The following BATF2 variants were observed in gnomAD, a reference collection of about 807,000 sequenced individuals.
BATF2 encodes the protein basic leucine zipper ATF-like transcription factor 2.
Under a neutral mutation model 7.3 loss-of-function variants are expected in BATF2, and 4 were observed. The ratio of observed to expected loss-of-function variants is 0.55; its 90% CI spans 0.27 to 1.26. The LOEUF is 1.26. Ranked by LOEUF, BATF2 falls within the 50% of genes most tolerant of loss-of-function variation. The probability of loss-of-function intolerance (pLI) is 0.11; values close to 1 mark genes in which losing one functional copy is unlikely to be tolerated. For missense variants in BATF2, 295 were observed against 340.5 expected (o/e 0.87, Z 1.05); for synonymous variants, 152 against 153.9 (o/e 0.99, Z 0.09).
At chr11:64,994,396 G>T (rs1480829464) in intron 2 of BATF2, 52 bp downstream of exon 2, 4 of 1,511,832 alleles carry the variant, frequency 2.6e-6, no homozygotes, top group African/African-American at 2.8e-5. Context: ...AGAGGTGGCT[G>T]GGCCAGTAAG....
chr11:64,990,130 C>T (rs1231729892), intron 2 of BATF2: 2 of 1,535,698 alleles, frequency 1.3e-6, no homozygotes, highest in Non-Finnish European at 8.7e-7. Context: ...ATTCTCTTGC[C>T]CACAGGAGCC....
At position 64,988,820 on chromosome 11, in the gene BATF2, G is replaced by T; in HGVS notation, c.*309C>A. 1 of 385,586 alleles carries T rather than the reference G, an allele frequency of 2.6e-6. No homozygotes were observed. The allele number at this position is 385,586 out of a possible 1,614,324, so 23.9% of individuals were successfully genotyped here. ...AAGGAGGAGCAGAGGGTGGTGTTTCGGGCTCCAAGAAAGTCTTCGTGACCT... is the reference window on the plus strand; with the variant it reads ...AAGGAGGAGCAGAGGGTGGTGTTTCTGGCTCCAAGAAAGTCTTCGTGACCT... On this transcript the variant is annotated 3_prime_UTR_variant, in exon 3 of 3. Transcript: ENST00000301887.
intron 2 of BATF2, among the ~76,000 whole-genome samples, chr11:64,991,138 C>T (rs1946073633): frequency 7.0e-6 from 1 of 143,714 alleles, no homozygotes; most frequent in Non-Finnish European, 1.5e-5. Context: ...CTGGTTTCTA[C>T]ATGTGGAATG....
Position 64,994,700 on chromosome 11 carries a change from CT to C in BATF2, c.40-152del. 7.2e-6 allele frequency: 5 copies of C among 692,184 alleles called. No individual in the cohort carries two copies. In the South Asian group the frequency reaches 8.8e-5, roughly 12 times the overall value. 42.9% of individuals were successfully genotyped at this position (692,184 alleles called of 1,614,324 possible). On this transcript the variant is annotated intron_variant, in intron 1 of 2. Coordinates refer to ENST00000301887, the MANE Select transcript of BATF2 (RefSeq NM_138456.4). ...GAAGCTCCCTTGGCACCCACACCCCCTATAGCAGGCACTGCACACCTTGTTG... is the reference window on the plus strand; with the variant it reads ...GAAGCTCCCTTGGCACCCACACCCCCATAGCAGGCACTGCACACCTTGTTG...
Position 64,989,911 on chromosome 11 carries a change from G to C in BATF2, c.142-99C>G. The C allele has an allele frequency of 6.8e-7, 1 of 1,468,116 alleles. No individual in the cohort carries two copies. Among genetic ancestry groups the C allele is most frequent in the Non-Finnish European group, 9.3e-7 (1 of 1,073,254 alleles). The allele number at this position is 1,468,116 out of a possible 1,614,324, so 90.9% of individuals were successfully genotyped here. ...CCAGGGTCCTCAACTTCAGGAGAAA[G>C]ATGCCACCACCATTGGAATAGCCAA... is the stretch of plus-strand genomic sequence containing the variant. On this transcript the variant is annotated intron_variant, in intron 2 of 2. Transcript: ENST00000301887. The surrounding 1 kb of genome is among the most constrained non-coding windows in gnomAD (Gnocchi z 4.3).
At chr11:64,995,267 T>A (rs1055570064) in intron 1 of BATF2, among the ~76,000 whole-genome samples, 1 of 152,172 alleles carries the variant, frequency 6.6e-6, no homozygotes, top group African/African-American at 2.4e-5. Flanking sequence ...GCCATAAAGC[T>A]CAGCTTCCAT....
At chr11:64,991,153 ATTTTTTTTTT>A (rs986602706) in intron 2 of BATF2, among the ~76,000 whole-genome samples, 1 of 113,022 alleles carries the variant, frequency 8.8e-6, no homozygotes, top group Non-Finnish European at 1.8e-5. Flanking sequence ...GGAATGATGA[ATTTTTTTTTT>A]TTTTTTTTTT....
chr11:64,996,773 A>G, intron 1 of BATF2, 103 bp downstream of exon 1: 1 of 1,395,708 alleles, frequency 7.2e-7, no homozygotes, highest in East Asian at 2.3e-5. Context: ...CAGAGTATAG[A>G]GCTGGGACTA....
intron 2 of BATF2, among the ~76,000 whole-genome samples, chr11:64,991,122 G>C (rs113504261): frequency 0.031 from 4,578 of 148,386 alleles, 238 homozygotes; most frequent in African/African-American, 0.11. Flanking sequence ...CAGCCCCATT[G>C]CCACGCTGGT....
intron 2 of BATF2, among the ~76,000 whole-genome samples, chr11:64,993,171 C>T (rs1330111133): frequency 1.3e-5 from 2 of 152,044 alleles, no homozygotes; most frequent in African/African-American, 2.4e-5. Context: ...ACCAGCCTGG[C>T]CAACATGGTG....
At chr11:64,996,814 G>C (rs1300086080) in intron 1 of BATF2, 62 bp downstream of exon 1, 1 of 1,602,418 alleles carries the variant, frequency 6.2e-7, no homozygotes, top group African/African-American at 1.3e-5. Flanking sequence ...TCACTGCCTG[G>C]GCACTGAGGA....
intron 2 of BATF2, among the ~76,000 whole-genome samples, chr11:64,991,681 G>C (rs1193645337): frequency 1.3e-5 from 2 of 152,144 alleles, no homozygotes; most frequent in Non-Finnish European, 2.9e-5. Flanking sequence ...GACCACTCTA[G>C]GGACTTTTTG....
At chr11:64,991,153 A>ATTTTTT (rs986602706) in intron 2 of BATF2, among the ~76,000 whole-genome samples, 2 of 113,022 alleles carry the variant, frequency 1.8e-5, no homozygotes, top group South Asian at 3.0e-4. Context: ...GGAATGATGA[A>ATTTTTT]TTTTTTTTTT....
In BATF2 at chr11:64,989,437, T is replaced by G; in HGVS notation, c.517A>C (p.Ser173Arg). 1 of 1,608,208 alleles carries G rather than the reference T, an allele frequency of 6.2e-7. No homozygotes were observed. The highest frequency in any genetic ancestry group is 8.5e-7 in the Non-Finnish European group (1 of 1,176,808). ...GTGTGCGAGGCAAACAGGAGAGGGC[T>G]GGGGGACAGCTGGACAGGAGGTTCA... ...VAEPPVQLSP[S>R]PLLFASHTGS... Residue 173 changes from serine (S) to arginine (R), a missense_variant, in exon 3 of 3, where the codon AGC (serine) becomes CGC (arginine). By Grantham distance (110) the Ser-to-Arg change is moderately radical. Transcript: ENST00000301887. This position sits in a 1 kb window ranked among gnomAD's most constrained non-coding sequence, Gnocchi z 4.3.
At chr11:64,991,526 C>A (rs1392596647) in intron 2 of BATF2, among the ~76,000 whole-genome samples, 1 of 152,220 alleles carries the variant, frequency 6.6e-6, no homozygotes, top group East Asian at 1.9e-4. Flanking sequence ...CTTCAACTCA[C>A]CTCCAGGAAC....
At position 64,991,004 on chromosome 11, in the gene BATF2, A is replaced by G. The variant is rs1946071924; in HGVS notation, c.142-1192T>C. ...ACGGGGTTTCACCATGTTAGCCAGGATGGTCTCGATCTCCTGACCTCGTGA... is the reference window on the plus strand; with the variant it reads ...ACGGGGTTTCACCATGTTAGCCAGGGTGGTCTCGATCTCCTGACCTCGTGA... On this transcript the variant is annotated intron_variant, in intron 2 of 2. Transcript: ENST00000301887. 3.3e-5 allele frequency among the ~76,000 whole-genome samples: 5 copies of G among 151,590 alleles called. No homozygotes were observed. In the South Asian group the frequency reaches 1.0e-3, roughly 32 times the overall value.
rs1177340345 is a variant in BATF2, at chr11:64,989,549, C to T, written c.405G>A (p.Pro135=). The change falls in exon 3 of 3, where the codon CCG becomes CCA. Residue 135 remains proline (P), a synonymous_variant. Transcript: ENST00000301887. The surrounding 1 kb of genome is among the most constrained non-coding windows in gnomAD (Gnocchi z 4.3). ...CATGAGGCTGTGGACCTGGAGAGAG[C>T]GGCTGAGCTGGGTAACAGGAACCCG... ...QTPGSCYPAQ[P]LSPGPQPHDS... 11 of 1,587,860 alleles carry T rather than the reference C, an allele frequency of 6.9e-6. No homozygotes were observed. The highest frequency in any genetic ancestry group is 6.9e-6 in the Non-Finnish European group (8 of 1,167,506).
intron 1 of BATF2, 141 bp downstream of exon 1, chr11:64,996,735 G>T (rs78617442): frequency 2.5e-4 from 248 of 975,164 alleles, no homozygotes; most frequent in Non-Finnish European, 3.5e-4. Flanking sequence ...CCCAGAGAGG[G>T]GCATGCAGAG....
At position 64,989,743 on chromosome 11, in the gene BATF2, CCAGCT is replaced by C. The variant is rs751759218; in HGVS notation, c.206_210del (p.Glu69GlyfsTer11). On this transcript the variant is annotated frameshift_variant, in exon 3 of 3. Coordinates refer to ENST00000301887, the MANE Select transcript of BATF2 (RefSeq NM_138456.4). LOFTEE classifies it low-confidence loss of function (END_TRUNC). This position sits in a 1 kb window ranked among gnomAD's most constrained non-coding sequence, Gnocchi z 4.3. ...ACGTGCAGGGTCCGGCTCCACCACG[CCAGCT>C]CGGCCTGCAGGGACTGGATCTCCTT... 12 of 1,613,910 alleles carry C rather than the reference CCAGCT, an allele frequency of 7.4e-6. No homozygotes were observed. Among genetic ancestry groups the C allele is most frequent in the Non-Finnish European group, 1.0e-5 (12 of 1,180,032 alleles).
Sources: gnomAD v4.1 joint callset for allele counts (sites outside exome capture counted in the v4.1 genomes callset) on GRCh38, gnomAD v4.1.1 for gene constraint, Gnocchi (gnomAD v3.1) non-coding constraint, MANE v1.5 for transcripts, NCBI Gene and HGNC (gene_info 2026-07-23, HGNC 2026-07-21) for gene names.